The following AIG1 variants were observed in gnomAD, a reference collection of about 807,000 sequenced individuals.
AIG1 encodes the protein androgen induced 1.
Under a neutral mutation model 31.4 loss-of-function variants are expected in AIG1, and 23 were observed. The observed-to-expected ratio is 0.73, with a 90% CI of 0.53 to 1.04. AIG1 has a LOEUF of 1.04. AIG1 is among the 50% of genes least tolerant of loss of function. AIG1 has a pLI of 0.00. For synonymous variants in AIG1, 100 were observed against 110.5 expected, an observed-to-expected ratio of 0.90 and a Z score of 0.60; for missense variants, 274 against 295.0, an observed-to-expected ratio of 0.93 and a Z score of 0.52.
intron 1 of AIG1, among the ~76,000 whole-genome samples, chr6:143,083,237 G>A (rs1398809612): frequency 6.6e-6 from 1 of 152,224 alleles, no homozygotes; most frequent in African/African-American, 2.4e-5. Flanking sequence ...ATGGCACAAG[G>A]TTTCTGAACG....
chr6:143,206,597 A>C (rs1791126102), intron 3 of AIG1, among the ~76,000 whole-genome samples: 1 of 152,186 alleles, frequency 6.6e-6, no homozygotes, highest in Non-Finnish European at 1.5e-5. Context: ...ATAGCCTTAC[A>C]GTGGATTTAA....
chr6:143,321,068 C>A (rs1776170672), intron 4 of AIG1, among the ~76,000 whole-genome samples: 1 of 151,782 alleles, frequency 6.6e-6, no homozygotes, highest in Non-Finnish European at 1.5e-5. Flanking sequence ...GATCCACCCA[C>A]CTTGGCCTCC....
At chr6:143,343,291 A>G, downstream of AIG1, 1 of 628,020 alleles carries the variant, frequency 1.6e-6, no homozygotes, top group South Asian at 1.4e-5. Context: ...ACTTACCCTC[A>G]TGAACTGATT....
chr6:143,095,232 A>G (rs940086524), intron 1 of AIG1, among the ~76,000 whole-genome samples: 2 of 152,186 alleles, frequency 1.3e-5, no homozygotes, highest in African/African-American at 4.8e-5. Flanking sequence ...CTTCAGTAAC[A>G]ATTATTGATT....
At chr6:143,220,876 C>T (rs1792447219) in intron 3 of AIG1, among the ~76,000 whole-genome samples, 1 of 152,188 alleles carries the variant, frequency 6.6e-6, no homozygotes, top group African/African-American at 2.4e-5. Context: ...GCATCTTTCA[C>T]CCACTGATCT....
At chr6:143,068,164 C>T (rs1295172725) in intron 1 of AIG1, among the ~76,000 whole-genome samples, 5 of 152,186 alleles carry the variant, frequency 3.3e-5, no homozygotes, top group African/African-American at 2.4e-5. Flanking sequence ...CCTGCCATTC[C>T]CCCATGTCTG....
chr6:143,091,815 GA>G (rs1331422273), intron 1 of AIG1, among the ~76,000 whole-genome samples: 1 of 152,148 alleles, frequency 6.6e-6, no homozygotes, highest in East Asian at 1.9e-4. Context: ...TTCCAGGAAG[GA>G]AAGCTATACA....
At chr6:143,067,144 T>C (rs561390176) in intron 1 of AIG1, among the ~76,000 whole-genome samples, 9 of 152,162 alleles carry the variant, frequency 5.9e-5, no homozygotes, top group Non-Finnish European at 8.8e-5. Context: ...CCAGCCTGAG[T>C]GACAGAGCCA....
At chr6:143,092,403 G>A (rs1003288875) in intron 1 of AIG1, among the ~76,000 whole-genome samples, 3 of 151,250 alleles carry the variant, frequency 2.0e-5, no homozygotes, top group African/African-American at 7.3e-5. Flanking sequence ...ACAGGGATCA[G>A]CTACCATCCC....
intron 1 of AIG1, among the ~76,000 whole-genome samples, chr6:143,102,089 T>G (rs1780329769): frequency 6.6e-6 from 1 of 152,138 alleles, no homozygotes; most frequent in African/African-American, 2.4e-5. Context: ...AGTGATGTTT[T>G]TTGCTGTTGT....
At chr6:143,190,225 A>G (rs759758465) in intron 3 of AIG1, 11 of 985,484 alleles carry the variant, frequency 1.1e-5, no homozygotes, top group Non-Finnish European at 1.2e-5. Flanking sequence ...AAAGAACATC[A>G]ACCATAAGGA....
At chr6:143,264,594 C>T (rs1796026101) in intron 3 of AIG1, among the ~76,000 whole-genome samples, 1 of 152,176 alleles carries the variant, frequency 6.6e-6, no homozygotes, top group Admixed American at 6.5e-5. Context: ...CCATTGAAAT[C>T]CAAACAAAGC....
downstream of AIG1, chr6:143,342,562 G>T (rs977259778): frequency 4.6e-5 from 42 of 910,368 alleles, no homozygotes; most frequent in Non-Finnish European, 7.8e-5. Flanking sequence ...TTTTTTTACT[G>T]TTGGGTTTAC....
At chr6:143,243,247 G>T (rs1028979905) in intron 3 of AIG1, among the ~76,000 whole-genome samples, 1 of 152,194 alleles carries the variant, frequency 6.6e-6, no homozygotes, top group Non-Finnish European at 1.5e-5. Context: ...CTTATTACAT[G>T]CAGAGTTGGA....
At chr6:143,271,007 T>C (rs1796488623) in intron 3 of AIG1, among the ~76,000 whole-genome samples, 1 of 152,236 alleles carries the variant, frequency 6.6e-6, no homozygotes, top group Admixed American at 6.5e-5. Flanking sequence ...TGCTTGCCAG[T>C]CTCTTGAGAC....
At chr6:143,113,697 T>C (rs1260882210) in intron 1 of AIG1, among the ~76,000 whole-genome samples, 7 of 152,174 alleles carry the variant, frequency 4.6e-5, no homozygotes, top group Admixed American at 4.6e-4. Context: ...GGAACGACTT[T>C]TAGGTTTGGT....
At chr6:143,249,928 A>T (rs1198822942) in intron 3 of AIG1, among the ~76,000 whole-genome samples, 1 of 152,244 alleles carries the variant, frequency 6.6e-6, no homozygotes, top group Admixed American at 6.5e-5. Flanking sequence ...CTTTGGATCA[A>T]GCCCTGGCTC....
rs114332850 is a variant in AIG1 at position 143,108,100 on chromosome 6, T to C, written c.142-28735T>C. Among the ~76,000 whole-genome samples, 392 of 152,310 alleles carry C rather than the reference T, an allele frequency of 2.6e-3. 1 individual carries two copies. The highest frequency in any genetic ancestry group is 9.0e-3 in the African/African-American group (374 of 41,580). On this transcript the variant is annotated intron_variant, in intron 1 of 5. Coordinates refer to ENST00000357847, the MANE Select transcript of AIG1 (RefSeq NM_016108.4). ...TCTCAACTGACAGTTAAGTAAAACA[T>C]AGTTTTAGAATATAGGCAAGGTCTT... is the stretch of plus-strand genomic sequence containing the variant.
intron 2 of AIG1, among the ~76,000 whole-genome samples, chr6:143,149,669 T>C (rs1016909018): frequency 6.6e-6 from 1 of 152,172 alleles, no homozygotes; most frequent in African/African-American, 2.4e-5. Context: ...TGTTTCCCTT[T>C]GATACACTGT....
Sources: gnomAD v4.1 joint callset for allele counts (sites outside exome capture counted in the v4.1 genomes callset) on GRCh38, gnomAD v4.1.1 for gene constraint, MANE v1.5 for transcripts, NCBI Gene and HGNC (gene_info 2026-07-23, HGNC 2026-07-21) for gene names.